Variants in SAFB observed in about 807,000 individuals in gnomAD.
SAFB encodes scaffold attachment factor B, also known as scaffold attachment factor B1.
Under a neutral mutation model 101.6 loss-of-function variants are expected in SAFB, and 15 were observed. The observed-to-expected ratio is 0.15, with a 90% CI of 0.10 to 0.23. SAFB has a LOEUF of 0.23. SAFB is among the 10% of genes least tolerant of loss of function. The pLI is 1.00. For missense variants in SAFB, 930 were observed against 1,104.1 expected (o/e 0.84, Z 2.23); for synonymous variants, 449 against 407.5 (o/e 1.10, Z -1.23).
At chr19:5,648,748 T>G in intron 6 of SAFB, 2 of 680,100 alleles carry the variant, frequency 2.9e-6, no homozygotes, top group Non-Finnish European at 5.3e-6. Flanking sequence ...GCCAGAAGGT[T>G]TTGGGGGTTA....
At chr19:5,625,298 G>A (rs1306285618) in intron 1 of SAFB, among the ~76,000 whole-genome samples, 1 of 152,204 alleles carries the variant, frequency 6.6e-6, no homozygotes, top group Non-Finnish European at 1.5e-5. Context: ...TCTTCTCCTG[G>A]TGGTGTTTCA....
chr19:5,638,843 T>C (rs976180015), intron 2 of SAFB, among the ~76,000 whole-genome samples: 2 of 149,604 alleles, frequency 1.3e-5, no homozygotes, highest in Non-Finnish European at 3.0e-5. Flanking sequence ...TGCCTCATCC[T>C]CCCCAAGCTG....
chr19:5,623,435 G>C lies in SAFB; in HGVS notation c.189+41G>C, dbSNP rs754108050. ...CGAGGGCGGGCACAGGGTGGGTCTGGGGTCCTCTTGGCCGCGACGGTGGCT... is the reference window on the plus strand; with the variant it reads ...CGAGGGCGGGCACAGGGTGGGTCTGCGGTCCTCTTGGCCGCGACGGTGGCT... On this transcript the variant is annotated intron_variant, in intron 1 of 20. Transcript: ENST00000588852. 8 of 1,555,512 alleles carry C rather than the reference G, an allele frequency of 5.1e-6. No homozygotes were observed. The Admixed American group carries it at 7.2e-5, about 14-fold the overall frequency.
intron 4 of SAFB, among the ~76,000 whole-genome samples, chr19:5,643,173 C>T (rs1412374279): frequency 6.6e-6 from 1 of 152,144 alleles, no homozygotes; most frequent in Non-Finnish European, 1.5e-5. Flanking sequence ...ATATTAATTT[C>T]ATTTACCTGA....
intron 14 of SAFB, 121 bp downstream of exon 14, chr19:5,657,468 C>T: frequency 1.6e-6 from 1 of 630,752 alleles, no homozygotes; most frequent in East Asian, 2.8e-5. Context: ...TTTGCTCCTT[C>T]AGCTTTCAGT....
chr19:5,628,554 C>T (rs1207961204), intron 2 of SAFB, among the ~76,000 whole-genome samples: 1 of 152,136 alleles, frequency 6.6e-6, no homozygotes, highest in Non-Finnish European at 1.5e-5. Context: ...TATGTCAGTG[C>T]TCAGAAGGTT....
chr19:5,637,360 A>G (rs995245951), intron 2 of SAFB, among the ~76,000 whole-genome samples: 5 of 150,716 alleles, frequency 3.3e-5, no homozygotes, highest in Non-Finnish European at 7.4e-5. Flanking sequence ...AAAAAAAAAA[A>G]ATTGATTTTC....
chr19:5,653,965 TC>T (rs2053997336), intron 11 of SAFB, 95 bp from the exon 12 acceptor site: 1 of 1,150,130 alleles, frequency 8.7e-7, no homozygotes. Context: ...GGTCTCGAAC[TC>T]CCGGTCTCAT....
chr19:5,646,172 T>C (rs1159421485), intron 5 of SAFB, among the ~76,000 whole-genome samples: 1 of 152,176 alleles, frequency 6.6e-6, no homozygotes, highest in Non-Finnish European at 1.5e-5. Context: ...CCAGCCTTTT[T>C]ATTTATTTAT....
rs373690454 is a variant in SAFB at position 5,653,275 on chromosome 19, G to C, written c.1443+11G>C. On this transcript the variant is annotated intron_variant, in intron 10 of 20. Transcript: ENST00000588852. ...ATCTCCGTGGAGAAAGTGAGTGGCCGTTTTCTTCCCAGGATATAGCCCACA... is the reference window on the plus strand; with the variant it reads ...ATCTCCGTGGAGAAAGTGAGTGGCCCTTTTCTTCCCAGGATATAGCCCACA... The C allele has an allele frequency of 3.1e-6, 5 of 1,613,896 alleles. No homozygotes were observed. In the African/African-American group the frequency reaches 6.7e-5, roughly 22 times the overall value.
chr19:5,658,249 C>T (rs934492935), intron 14 of SAFB, among the ~76,000 whole-genome samples: 6 of 151,960 alleles, frequency 3.9e-5, no homozygotes, highest in South Asian at 2.1e-4. Context: ...CTGCCTGCCT[C>T]GGCCTCCCAA....
chr19:5,668,240 CCAGAGCCGGGGGAG>C lies in SAFB; in HGVS notation c.2707_2720del (p.Ser903AlafsTer41). On this transcript the variant is annotated frameshift_variant, in exon 21 of 21. Coordinates refer to ENST00000588852, the MANE Select transcript of SAFB (RefSeq NM_001201338.2). LOFTEE classifies it high-confidence loss of function. ...GTGGCATGCAGGGCGGGTTTGGAGG[CCAGAGCCGGGGGAG>C]CAGGCCCAGCGATGCCCGCTTCACT... The C allele has an allele frequency of 6.2e-7, 1 of 1,611,102 alleles. No individual in the cohort carries two copies. Among genetic ancestry groups the C allele is most frequent in the Non-Finnish European group, 8.5e-7 (1 of 1,179,382 alleles).
chr19:5,654,354 C>T lies in SAFB; in HGVS notation c.1667-14C>T, dbSNP rs377197904. On this transcript the variant is annotated splice_polypyrimidine_tract_variant and intron_variant, in intron 12 of 20. Coordinates refer to ENST00000588852, the MANE Select transcript of SAFB (RefSeq NM_001201338.2). ...CTTGGTTTTCCACTTACACTTTCCC[C>T]GTCTTTTCTGTAGGAAGTCGAGGGA... 171 of 1,606,256 alleles carry T rather than the reference C, an allele frequency of 1.1e-4. No homozygotes were observed. Among genetic ancestry groups the T allele is most frequent in the Non-Finnish European group, 1.3e-4 (152 of 1,173,118 alleles).
At position 5,653,171 on chromosome 19, in the gene SAFB, T is replaced by C; in HGVS notation, c.1350T>C (p.Gly450=). 2 of 1,613,970 alleles carry C rather than the reference T, an allele frequency of 1.2e-6. No homozygotes were observed. The highest frequency in any genetic ancestry group is 1.7e-6 in the Non-Finnish European group (2 of 1,179,998). The part of the protein sequence containing the change: ...NARSPGARCY[G]FVTMSTAEEA... Reference sequence around the variant, plus strand: ...GGAGTCCTGGAGCTCGCTGTTACGGTTTTGTCACGATGTCCACAGCAGAAG... The same window carrying C: ...GGAGTCCTGGAGCTCGCTGTTACGGCTTTGTCACGATGTCCACAGCAGAAG... The change falls in exon 10 of 21, where the codon GGT becomes GGC. Residue 450 remains glycine, a synonymous_variant. Coordinates refer to ENST00000588852, the MANE Select transcript of SAFB (RefSeq NM_001201338.2).
Position 5,661,772 on chromosome 19 carries a change from G to A in SAFB, c.2117G>A (p.Arg706Gln), listed in dbSNP as rs1220645333. Residue 706 changes from arginine to glutamine, a missense_variant, in exon 15 of 21, where the codon CGG (arginine) becomes CAG (glutamine). Coordinates refer to ENST00000588852, the MANE Select transcript of SAFB (RefSeq NM_001201338.2). Reference protein sequence around the residue: ...RQQELRYEQERRPAVRRPYDL... With the variant: ...RQQELRYEQEQRPAVRRPYDL... ...CAGGAACTGCGCTATGAGCAGGAGCGGCGGCCCGCGGTGCGGCGGCCCTAC... is the reference window on the plus strand; with the variant it reads ...CAGGAACTGCGCTATGAGCAGGAGCAGCGGCCCGCGGTGCGGCGGCCCTAC... 6 of 1,568,724 alleles carry A rather than the reference G, an allele frequency of 3.8e-6. No homozygotes were observed. Among genetic ancestry groups the A allele is most frequent in the Non-Finnish European group, 5.2e-6 (6 of 1,159,006 alleles).
chr19:5,642,938 A>AT (rs1356327300), intron 4 of SAFB, among the ~76,000 whole-genome samples: 2 of 151,966 alleles, frequency 1.3e-5, no homozygotes, highest in Non-Finnish European at 2.9e-5. Context: ...AAGTGCTGAG[A>AT]TTACAGGTGT....
At chr19:5,640,750 C>T (rs2053691330) in intron 2 of SAFB, among the ~76,000 whole-genome samples, 1 of 151,944 alleles carries the variant, frequency 6.6e-6, no homozygotes, top group Non-Finnish European at 1.5e-5. Flanking sequence ...CCACCACAAC[C>T]AGCTAGTTTT....
chr19:5,667,709 T>C lies in SAFB; in HGVS notation c.2558-111T>C. 2.9e-6 allele frequency: 3 copies of C among 1,020,708 alleles called. No homozygotes were observed. Among genetic ancestry groups the C allele is most frequent in the Non-Finnish European group, 4.5e-6 (3 of 663,796 alleles). 63.2% of individuals were successfully genotyped at this position (1,020,708 alleles called of 1,614,324 possible). A position where few individuals can be genotyped will look rare whatever the true frequency, so the allele number is the denominator to read the frequency against. ...GCCCAGGTGTCTTCCTGGGACCCGC[T>C]AGTTGTGGGTACCTGGGGGCCTCAC... is the stretch of plus-strand genomic sequence containing the variant. On this transcript the variant is annotated intron_variant, in intron 19 of 20. Transcript: ENST00000588852. This position sits in a 1 kb window ranked among gnomAD's most constrained non-coding sequence, Gnocchi z 4.0.
intron 9 of SAFB, among the ~76,000 whole-genome samples, chr19:5,651,332 T>C (rs1048001694): frequency 6.6e-6 from 1 of 152,218 alleles, no homozygotes; most frequent in Non-Finnish European, 1.5e-5. Flanking sequence ...TCCATTTCTG[T>C]GTCCTCAGGA....
Sources: allele counts gnomAD v4.1 joint callset (sites outside exome capture counted in the v4.1 genomes callset), GRCh38; gene constraint gnomAD v4.1.1; non-coding constraint Gnocchi (gnomAD v3.1); transcripts MANE v1.5; gene names NCBI Gene and HGNC (gene_info 2026-07-23, HGNC 2026-07-21).